The following GULP1 variants were observed in gnomAD, a reference collection of about 807,000 sequenced individuals.
GULP1 encodes the protein PTB domain-containing engulfment adapter protein 1.
GULP1 carries 19 observed loss-of-function variants against 40.9 expected under a neutral mutation model. The ratio of observed to expected loss-of-function variants is 0.46; its 90% CI spans 0.32 to 0.68. The LOEUF is 0.68. Ranked by LOEUF, GULP1 falls within the 30% of genes least tolerant of loss-of-function variation. The pLI, the probability that GULP1 is intolerant of heterozygous loss-of-function variation, is 0.03. For synonymous variants in GULP1, 119 were observed against 117.6 expected (o/e 1.01, Z -0.08); for missense variants, 312 against 362.2 (o/e 0.86, Z 1.12).
At chr2:188,391,313 A>G (rs561977582) in intron 2 of GULP1, among the ~76,000 whole-genome samples, 88 of 152,056 alleles carry the variant, frequency 5.8e-4, no homozygotes, top group African/African-American at 2.1e-3. Context: ...CTTTGTAGAG[A>G]TCTTTCACAT....
chr2:188,310,737 G>A (rs1019634505), intron 1 of GULP1, among the ~76,000 whole-genome samples: 6 of 152,058 alleles, frequency 3.9e-5, no homozygotes, highest in African/African-American at 1.4e-4. Context: ...ACCCCTGAGA[G>A]CACTGATATT....
intron 2 of GULP1, among the ~76,000 whole-genome samples, chr2:188,407,227 C>T (rs1159625149): frequency 1.3e-5 from 2 of 152,126 alleles, no homozygotes; most frequent in African/African-American, 4.8e-5. Context: ...TTCAGTACCA[C>T]CAGACCTATC....
intron 10 of GULP1, 147 bp downstream of exon 10, chr2:188,584,550 T>C (rs572400781): frequency 2.4e-6 from 1 of 409,308 alleles, no homozygotes; most frequent in African/African-American, 2.1e-5. Flanking sequence ...TGTATAAATT[T>C]CCATTAATTC....
intron 2 of GULP1, among the ~76,000 whole-genome samples, chr2:188,388,841 A>C (rs970378844): frequency 2.0e-5 from 3 of 152,224 alleles, no homozygotes; most frequent in African/African-American, 7.2e-5. Flanking sequence ...ATCATGTTTA[A>C]GTAAAGACTA....
intron 2 of GULP1, among the ~76,000 whole-genome samples, chr2:188,401,804 C>T (rs1310352258): frequency 6.6e-6 from 1 of 152,002 alleles, no homozygotes; most frequent in African/African-American, 2.4e-5. Flanking sequence ...TGTGAATAAG[C>T]AATTTAATAA....
chr2:188,444,042 G>A (rs1023729632), intron 2 of GULP1, among the ~76,000 whole-genome samples: 8 of 151,968 alleles, frequency 5.3e-5, no homozygotes, highest in African/African-American at 1.9e-4. Context: ...CTCATGGCCA[G>A]TTCCTAGCGT....
intron 3 of GULP1, among the ~76,000 whole-genome samples, chr2:188,480,376 A>G (rs2061351851): frequency 6.6e-6 from 1 of 152,012 alleles, no homozygotes; most frequent in Non-Finnish European, 1.5e-5. Context: ...ATACTTGGCC[A>G]TCACATGTAA....
At chr2:188,446,140 C>T (rs891682263) in intron 2 of GULP1, among the ~76,000 whole-genome samples, 1 of 152,100 alleles carries the variant, frequency 6.6e-6, no homozygotes, top group Admixed American at 6.6e-5. Flanking sequence ...TTGGGAGCAT[C>T]TAGAAAGTCT....
At chr2:188,485,950 G>T (rs537529902) in intron 4 of GULP1, among the ~76,000 whole-genome samples, 2 of 151,892 alleles carry the variant, frequency 1.3e-5, no homozygotes, top group South Asian at 2.1e-4. Context: ...GATGTTAATC[G>T]TATCTATGAA....
chr2:188,367,791 T>G (rs967265864), intron 1 of GULP1, among the ~76,000 whole-genome samples: 3 of 152,154 alleles, frequency 2.0e-5, no homozygotes, highest in Non-Finnish European at 4.4e-5. Context: ...ATCACTGTCC[T>G]GCAACCTGTC....
chr2:188,452,254 G>T (rs2058892515), intron 2 of GULP1, among the ~76,000 whole-genome samples: 1 of 152,116 alleles, frequency 6.6e-6, no homozygotes, highest in South Asian at 2.1e-4. Flanking sequence ...AGATCCAAAG[G>T]CCAGTGTTTA....
chr2:188,548,787 G>A (rs1211209539), intron 7 of GULP1, among the ~76,000 whole-genome samples: 3 of 151,900 alleles, frequency 2.0e-5, no homozygotes, highest in Non-Finnish European at 4.4e-5. Context: ...CCCAGCTAAT[G>A]TTTGTCAATG....
At chr2:188,571,176 C>T (rs752853524) in intron 9 of GULP1, among the ~76,000 whole-genome samples, 8 of 152,036 alleles carry the variant, frequency 5.3e-5, no homozygotes, top group Non-Finnish European at 4.4e-5. Context: ...TAATATCTAA[C>T]TTATAACATA....
intron 9 of GULP1, among the ~76,000 whole-genome samples, chr2:188,583,380 C>A (rs1375157060): frequency 6.6e-6 from 1 of 152,098 alleles, no homozygotes; most frequent in Admixed American, 6.5e-5. Context: ...CAATCTCTGT[C>A]CAAGTTCTCA....
chr2:188,573,290 T>C (rs1012063983), intron 9 of GULP1, among the ~76,000 whole-genome samples: 1 of 152,192 alleles, frequency 6.6e-6, no homozygotes, highest in Admixed American at 6.5e-5. Context: ...ATTTATCTCA[T>C]ATCTATTCAA....
intron 4 of GULP1, among the ~76,000 whole-genome samples, chr2:188,488,224 A>G (rs2062030613): frequency 6.6e-6 from 1 of 152,024 alleles, no homozygotes; most frequent in Admixed American, 6.6e-5. Flanking sequence ...TTCTACCAGA[A>G]TTTTATAGCC....
At chr2:188,575,187 G>A (rs1699920557) in intron 9 of GULP1, among the ~76,000 whole-genome samples, 2 of 152,024 alleles carry the variant, frequency 1.3e-5, no homozygotes, top group South Asian at 4.1e-4. Context: ...TTCATCACTG[G>A]GATTTTGAAA....
chr2:188,314,717 T>C (rs2038786416), intron 1 of GULP1, among the ~76,000 whole-genome samples: 1 of 152,202 alleles, frequency 6.6e-6, no homozygotes, highest in Non-Finnish European at 1.5e-5. Flanking sequence ...ATGGTTTTGT[T>C]TTCTGCAGTT....
At chr2:188,590,522 T>A (rs1407067915) in intron 11 of GULP1, 3 of 152,194 alleles carry the variant, frequency 2.0e-5, no homozygotes. Flanking sequence ...TTACAGAGTA[T>A]TGTGACTAAG....
Sources: allele counts gnomAD v4.1 joint callset (sites outside exome capture counted in the v4.1 genomes callset), GRCh38; gene constraint gnomAD v4.1.1; transcripts MANE v1.5; gene names NCBI Gene and HGNC (gene_info 2026-07-23, HGNC 2026-07-21).